LCOR: variants seen among roughly 807,000 people sequenced by gnomAD.
LCOR encodes the protein ligand dependent nuclear receptor corepressor.
A neutral mutation model predicts 64.4 loss-of-function variants in LCOR; 14 were observed. That is an observed-to-expected ratio of 0.22 (90% CI 0.14 to 0.34). The LOEUF is 0.34. LCOR is among the 10% of genes least tolerant of loss of function. The pLI is 1.00. For synonymous variants in LCOR, 643 were observed against 642.5 expected (o/e 1.00, Z -0.01); for missense variants, 1,686 against 1,765.3 (o/e 0.96, Z 0.80).
At chr10:96,862,565 C>T (rs1845905088) in intron 2 of LCOR, among the ~76,000 whole-genome samples, 1 of 152,128 alleles carries the variant, frequency 6.6e-6, no homozygotes, top group Non-Finnish European at 1.5e-5. Context: ...CAAGTCCAGC[C>T]ACGTAGGCAT....
chr10:96,971,561 A>G (rs1273047858), intron 7 of LCOR, among the ~76,000 whole-genome samples: 2 of 152,188 alleles, frequency 1.3e-5, no homozygotes, highest in Non-Finnish European at 2.9e-5. Flanking sequence ...CTGTGAGAGT[A>G]GAGGAGAAAC....
At chr10:96,959,025 AT>A (rs985646952) in intron 7 of LCOR, 4 of 151,790 alleles carry the variant, frequency 2.6e-5, no homozygotes, top group African/African-American at 4.8e-5. Context: ...TTAATGTTAA[AT>A]TTTGTGTTCA....
At chr10:96,897,961 CAG>C (rs1846569984) in intron 2 of LCOR, among the ~76,000 whole-genome samples, 1 of 144,834 alleles carries the variant, frequency 6.9e-6, no homozygotes, top group African/African-American at 2.5e-5. Context: ...ACACATAAAA[CAG>C]AGTCCTTGTA....
intron 7 of LCOR, among the ~76,000 whole-genome samples, chr10:96,979,206 T>C (rs1199829307): frequency 6.6e-6 from 1 of 152,218 alleles, no homozygotes. Context: ...GAAGATATTA[T>C]CAAACATCTG....
chr10:96,836,548 A>G (rs893172534), intron 2 of LCOR, among the ~76,000 whole-genome samples: 1 of 152,218 alleles, frequency 6.6e-6, no homozygotes, highest in African/African-American at 2.4e-5. Context: ...ACCTTCAGGA[A>G]CTTTTAAACC....
intron 7 of LCOR, 95 bp from the exon 8 acceptor site, chr10:96,980,698 T>G: frequency 1.7e-6 from 1 of 595,102 alleles, no homozygotes; most frequent in Non-Finnish European, 3.0e-6. Context: ...AATAAATAAA[T>G]AATAAAATGA....
At position 96,986,777 on chromosome 10, in the gene LCOR, A is replaced by T. The variant is rs571839117; in HGVS notation, c.*1643A>T. ...GGTTCTGTCACCAAAATCAGCTTGT[A>T]TGGACAGCTGCTGCCCTGTCCTTTT... On this transcript the variant is annotated 3_prime_UTR_variant, in exon 8 of 8. Transcript: ENST00000421806. 1 of 152,226 alleles carries T rather than the reference A, an allele frequency of 6.6e-6. No homozygotes were observed. Among genetic ancestry groups the T allele is most frequent in the South Asian group, 2.1e-4 (1 of 4,832 alleles). 9.4% of individuals were successfully genotyped at this position (152,226 alleles called of 1,614,324 possible).
chr10:96,832,380 C>G lies in LCOR; in HGVS notation c.-423C>G, dbSNP rs1269299320. On this transcript the variant is annotated 5_prime_UTR_variant, in exon 1 of 8. Transcript: ENST00000421806. ...GGCAAGAACTGGATTCGTGGCGCCA[C>G]AAGCTCATTCACTGTGTAGGTGAGA... The G allele has an allele frequency of 1.0e-6, 1 of 984,844 alleles. No homozygotes were observed. The highest frequency in any genetic ancestry group is 1.2e-6 in the Non-Finnish European group (1 of 829,284). 61.0% of individuals were successfully genotyped at this position (984,844 alleles called of 1,614,324 possible).
At chr10:96,961,699 A>C in intron 7 of LCOR, 1 of 95,052 alleles carries the variant, frequency 1.1e-5, no homozygotes, top group East Asian at 3.1e-4. Context: ...TAAGGGGACT[A>C]GGGGTGGGGG....
rs949496910 is a variant in LCOR at position 96,989,263 on chromosome 10, A to C, written c.*4129A>C. ...GAGCAAATAGGGATTCAGAGTTCTA[A>C]AATTATGTGGCCTGGGCCTCTCATT... On this transcript the variant is annotated 3_prime_UTR_variant, in exon 8 of 8. Transcript: ENST00000421806. 1.3e-5 allele frequency: 2 copies of C among 152,316 alleles called. No homozygotes were observed. Among genetic ancestry groups the C allele is most frequent in the East Asian group, 3.9e-4 (2 of 5,188 alleles). The allele number at this position is 152,316 out of a possible 1,614,324, so 9.4% of individuals were successfully genotyped here.
At chr10:96,852,824 A>G (rs1845742645) in intron 2 of LCOR, among the ~76,000 whole-genome samples, 1 of 152,124 alleles carries the variant, frequency 6.6e-6, no homozygotes, top group Non-Finnish European at 1.5e-5. Context: ...CTATTTTTGT[A>G]TCATTGTTTA....
In LCOR at chr10:96,920,434, G is replaced by GTATATATATATATTCA. The variant is rs765295602; in HGVS notation, c.-184+12694_-184+12695insATATATTCATATATAT. Among the ~76,000 whole-genome samples, 61 of 124,002 alleles carry GTATATATATATATTCA rather than the reference G, an allele frequency of 4.9e-4. 1 individual carries two copies. Among genetic ancestry groups the GTATATATATATATTCA allele is most frequent in the African/African-American group, 1.8e-3 (51 of 28,238 alleles). 81.4% of individuals were successfully genotyped at this position (124,002 alleles called of 152,430 possible). A position where few individuals can be genotyped will look rare whatever the true frequency, so the allele number is the denominator to read the frequency against. ...TATGTATATATATTCATATATATGTGTATATATGTGTATATATATGTATAT... is the reference window on the plus strand; with the variant it reads ...TATGTATATATATTCATATATATGTGTATATATATATATTCATATATATGTGTATATATATGTATAT... On this transcript the variant is annotated intron_variant, in intron 4 of 7. Coordinates refer to ENST00000421806, the MANE Select transcript of LCOR (RefSeq NM_001346516.2).
intron 4 of LCOR, among the ~76,000 whole-genome samples, chr10:96,926,746 G>A (rs1205143425): frequency 6.6e-6 from 1 of 151,932 alleles, no homozygotes. Context: ...ACAATTATGA[G>A]TTTTACCTTT....
chr10:96,896,415 A>G (rs1456158352), intron 2 of LCOR, among the ~76,000 whole-genome samples: 1 of 151,822 alleles, frequency 6.6e-6, no homozygotes, highest in African/African-American at 2.4e-5. Flanking sequence ...TTTATTTATT[A>G]TTATTATTAT....
In LCOR at chr10:96,992,100, A is replaced by G. The variant is rs1256927840; in HGVS notation, c.*6966A>G. ...AAGAGACTATACCAACAAGATTTGC[A>G]TAATTTTTTATATTTATACCACAGG... On this transcript the variant is annotated 3_prime_UTR_variant, in exon 8 of 8. Coordinates refer to ENST00000421806, the MANE Select transcript of LCOR (RefSeq NM_001346516.2). 6.6e-6 allele frequency: 1 copy of G among 152,174 alleles called. No individual in the cohort carries two copies. Among genetic ancestry groups the G allele is most frequent in the African/African-American group, 2.4e-5 (1 of 41,430 alleles). The allele number at this position is 152,174 out of a possible 1,614,324, so 9.4% of individuals were successfully genotyped here.
At chr10:96,905,514 G>A (rs376344289) in intron 2 of LCOR, among the ~76,000 whole-genome samples, 1 of 152,026 alleles carries the variant, frequency 6.6e-6, no homozygotes, top group East Asian at 1.9e-4. Context: ...AAGTCAGATC[G>A]TTCTGAAAAT....
chr10:96,891,980 C>G (rs1846453299), intron 2 of LCOR, among the ~76,000 whole-genome samples: 1 of 152,146 alleles, frequency 6.6e-6, no homozygotes, highest in Non-Finnish European at 1.5e-5. Flanking sequence ...TGATTTCAGT[C>G]TTTTGAAATT....
At chr10:96,965,475 A>G (rs1847939177) in intron 7 of LCOR, among the ~76,000 whole-genome samples, 1 of 150,550 alleles carries the variant, frequency 6.6e-6, no homozygotes, top group South Asian at 2.1e-4. Context: ...ATCCTGGCTA[A>G]CACAGTGAAA....
chr10:96,939,243 C>T (rs7086875), intron 4 of LCOR, among the ~76,000 whole-genome samples: 20,989 of 152,058 alleles, frequency 0.14, 1,977 homozygotes, highest in African/African-American at 0.26. Flanking sequence ...CAAAACAGTT[C>T]GTTGGGGGAA....
Sources: gnomAD v4.1 joint callset for allele counts (sites outside exome capture counted in the v4.1 genomes callset) on GRCh38, gnomAD v4.1.1 for gene constraint, MANE v1.5 for transcripts, NCBI Gene and HGNC (gene_info 2026-07-23, HGNC 2026-07-21) for gene names.